The following SLFN12 variants were observed in gnomAD, a reference collection of about 807,000 sequenced individuals.
SLFN12 encodes schlafen family member 12, also known as ribonuclease SLFN12.
A neutral mutation model predicts 29.1 loss-of-function variants in SLFN12; 25 were observed. The ratio of observed to expected loss-of-function variants is 0.86; its 90% CI spans 0.63 to 1.20. SLFN12 has a LOEUF of 1.20. SLFN12 is among the 50% of genes most tolerant of loss of function. The probability of loss-of-function intolerance (pLI) is 0.00; values close to 1 mark genes in which losing one functional copy is unlikely to be tolerated. For synonymous variants in SLFN12, 257 were observed against 238.7 expected (o/e 1.08, Z -0.71); for missense variants, 660 against 666.2 (o/e 0.99, Z 0.10).
chr17:35,420,158 T>C, intron 3 of SLFN12, 116 bp downstream of exon 3: 1 of 669,904 alleles, frequency 1.5e-6, no homozygotes, highest in Non-Finnish European at 2.6e-6. Flanking sequence ...ACCAAAGAAT[T>C]CTCATAAACA....
chr17:35,418,316 G>A (rs1425811321), intron 3 of SLFN12, among the ~76,000 whole-genome samples: 1 of 152,046 alleles, frequency 6.6e-6, no homozygotes, highest in East Asian at 1.9e-4. Context: ...GGTTTGAATT[G>A]CATGGGTCCA....
At chr17:35,430,190 A>G (rs983266387) in intron 1 of SLFN12, among the ~76,000 whole-genome samples, 1 of 152,078 alleles carries the variant, frequency 6.6e-6, no homozygotes, top group African/African-American at 2.4e-5. Context: ...GTTGCTACAG[A>G]GACAGGAAAG....
Position 35,423,844 on chromosome 17 carries a change from C to T in SLFN12, c.-40-776G>A, listed in dbSNP as rs147135770. Among the ~76,000 whole-genome samples, 394 of 152,178 alleles carry T rather than the reference C, an allele frequency of 2.6e-3. 2 individuals are homozygous for T. Among genetic ancestry groups the T allele is most frequent in the Non-Finnish European group, 3.4e-3 (233 of 68,018 alleles). On this transcript the variant is annotated intron_variant, in intron 1 of 3. Coordinates refer to ENST00000304905, the MANE Select transcript of SLFN12 (RefSeq NM_018042.5). ...ATTAGTACTCTCCTAAAAGGGACCC[C>T]GGAACACTAGCTCATCCCTTCCACT...
At chr17:35,428,992 C>A (rs1412317988) in intron 1 of SLFN12, among the ~76,000 whole-genome samples, 3 of 152,010 alleles carry the variant, frequency 2.0e-5, no homozygotes, top group Non-Finnish European at 4.4e-5. Context: ...CCACTTCTAC[C>A]CAGGCGCACA....
chr17:35,419,807 A>G (rs1210768789), intron 3 of SLFN12, among the ~76,000 whole-genome samples: 3 of 152,168 alleles, frequency 2.0e-5, no homozygotes, highest in African/African-American at 7.2e-5. Flanking sequence ...CATATGCACT[A>G]GAAGACCGAC....
chr17:35,417,628 C>A (rs977732035), intron 3 of SLFN12, among the ~76,000 whole-genome samples: 3 of 151,690 alleles, frequency 2.0e-5, no homozygotes, highest in African/African-American at 4.8e-5. Context: ...AAGTTTTCTT[C>A]AGTTCATTAG....
chr17:35,417,182 AAT>A (rs2142034929), intron 3 of SLFN12, among the ~76,000 whole-genome samples: 1 of 152,230 alleles, frequency 6.6e-6, no homozygotes, highest in South Asian at 2.1e-4. Context: ...GCTGAATAAA[AAT>A]GCATAAAAAA....
Position 35,420,353 on chromosome 17 carries a change from G to A in SLFN12, c.1068C>T (p.Ile356=). 1.2e-6 allele frequency: 2 copies of A among 1,613,504 alleles called. No individual in the cohort carries two copies. The highest frequency in any genetic ancestry group is 1.7e-6 in the Non-Finnish European group (2 of 1,179,660). Residue 356 remains isoleucine, a synonymous_variant, in exon 3 of 4, where the codon ATC becomes ATT. Transcript: ENST00000304905. ...PKFSSSYEEV[I]SQINTSLPAP... is the part of the protein sequence containing the mutation. ...CAGGTAATGACGTATTTATTTGAGA[G>A]ATCACCTCTTCATATGAACTGGAAA...
chr17:35,420,366 T>C lies in SLFN12; in HGVS notation c.1055A>G (p.Tyr352Cys). The change falls in exon 3 of 4, where the codon TAT becomes TGT. Residue 352 changes from tyrosine (Y) to cysteine (C), a missense_variant. Physicochemically the swap from Tyr to Cys is radical, Grantham distance 194. Transcript: ENST00000304905. ...VEAEPKFSSS[Y>C]EEVISQINTS... Reference sequence around the variant, plus strand: ...ATTTATTTGAGAGATCACCTCTTCATATGAACTGGAAAATTCTTAAAAACA... The same window carrying C: ...ATTTATTTGAGAGATCACCTCTTCACATGAACTGGAAAATTCTTAAAAACA... 4 of 1,612,736 alleles carry C rather than the reference T, an allele frequency of 2.5e-6. No individual in the cohort carries two copies. The highest frequency in any genetic ancestry group is 3.4e-6 in the Non-Finnish European group (4 of 1,179,220).
chr17:35,422,296 T>C lies in SLFN12; in HGVS notation c.733A>G (p.Lys245Glu), dbSNP rs1159379739. ...TCTGCTTTAAAGCCAATTATTTCTT[T>C]ATCTTCATTTAAACCAATGAACAAA... ...GYLFIGLNED[K>E]EIIGFKAEMS... The change falls in exon 2 of 4, where the codon AAA (lysine) becomes GAA (glutamate). Residue 245 changes from lysine (K) to glutamate (E), a missense_variant. Transcript: ENST00000304905. The C allele has an allele frequency of 5.6e-6, 9 of 1,613,746 alleles. No homozygotes were observed. Among genetic ancestry groups the C allele is most frequent in the East Asian group, 2.2e-5 (1 of 44,898 alleles).
chr17:35,414,650 G>T (rs1374188561), intron 3 of SLFN12, among the ~76,000 whole-genome samples: 2 of 151,846 alleles, frequency 1.3e-5, no homozygotes, highest in Non-Finnish European at 2.9e-5. Context: ...TTCTAGATTT[G>T]ATAAATGAAT....
At chr17:35,423,204 T>A in intron 1 of SLFN12, 136 bp from the exon 2 acceptor site, 1 of 940,732 alleles carries the variant, frequency 1.1e-6, no homozygotes, top group Non-Finnish European at 1.4e-6. Context: ...ATGAAGAGAC[T>A]GGCAAATTTT....
chr17:35,424,306 T>G (rs1046598338), intron 1 of SLFN12, among the ~76,000 whole-genome samples: 2 of 152,086 alleles, frequency 1.3e-5, no homozygotes, highest in African/African-American at 2.4e-5. Context: ...TAAAGTGTAA[T>G]TTAAGTGTAA....
Position 35,422,209 on chromosome 17 carries a change from G to A in SLFN12, c.820C>T (p.His274Tyr). ...TTCTTCTTCTCCATACAGAAGTGATGCACAGGCATCTTCCTAATGGACTTT... is the reference window on the plus strand; with the variant it reads ...TTCTTCTTCTCCATACAGAAGTGATACACAGGCATCTTCCTAATGGACTTT... ...IEKSIRKMPV[H>Y]HFCMEKKKIN... Residue 274 changes from histidine (H) to tyrosine (Y), a missense_variant, in exon 2 of 4, where the codon CAT becomes TAT. Physicochemically the swap from His to Tyr is moderately conservative, Grantham distance 83 (BLOSUM62 2). Transcript: ENST00000304905. 1 of 1,614,116 alleles carries A rather than the reference G, an allele frequency of 6.2e-7. No homozygotes were observed. The highest frequency in any genetic ancestry group is 8.5e-7 in the Non-Finnish European group (1 of 1,180,004).
At chr17:35,419,800 A>G (rs1911520727) in intron 3 of SLFN12, among the ~76,000 whole-genome samples, 1 of 152,168 alleles carries the variant, frequency 6.6e-6, no homozygotes, top group Admixed American at 6.5e-5. Flanking sequence ...TCTTGCACAT[A>G]TGCACTAGAA....
At chr17:35,424,322 A>C (rs897351103) in intron 1 of SLFN12, among the ~76,000 whole-genome samples, 6 of 152,118 alleles carry the variant, frequency 3.9e-5, no homozygotes, top group Non-Finnish European at 5.9e-5. Context: ...TGTAACTTTT[A>C]AGTTAAGAAG....
rs536533054 is a variant in SLFN12 at position 35,420,671 on chromosome 17, G to A, written c.1040-290C>T. ...ATTTTTAAAGCAGTTAAAATGAGAC[G>A]TGATGGCTAGTGAAGGAAAGCTGAC... On this transcript the variant is annotated intron_variant, in intron 2 of 3. Coordinates refer to ENST00000304905, the MANE Select transcript of SLFN12 (RefSeq NM_018042.5). The A allele has an allele frequency of 3.8e-4, 86 of 224,130 alleles. No individual in the cohort carries two copies. In the South Asian group the frequency reaches 5.7e-3, roughly 15 times the overall value. The allele number at this position is 224,130 out of a possible 1,614,324, so 13.9% of individuals were successfully genotyped here.
At position 35,411,256 on chromosome 17, in the gene SLFN12, T is replaced by A. The variant is rs1324048993; in HGVS notation, c.*82A>T. ...ATTAAGTTGCTTAACTTGCAAAGTTTTCAAAGAAATATTTTCACAGAATTA... is the reference window on the plus strand; with the variant it reads ...ATTAAGTTGCTTAACTTGCAAAGTTATCAAAGAAATATTTTCACAGAATTA... On this transcript the variant is annotated 3_prime_UTR_variant, in exon 4 of 4. Transcript: ENST00000304905. 2.6e-6 allele frequency: 3 copies of A among 1,139,258 alleles called. No homozygotes were observed. The highest frequency in any genetic ancestry group is 3.7e-6 in the Non-Finnish European group (3 of 819,132). 70.6% of individuals were successfully genotyped at this position (1,139,258 alleles called of 1,614,324 possible).
chr17:35,414,743 C>G (rs1371946461), intron 3 of SLFN12, among the ~76,000 whole-genome samples: 1 of 151,984 alleles, frequency 6.6e-6, no homozygotes, highest in African/African-American at 2.4e-5. Context: ...AGAATCAAAT[C>G]AAAACCTCAA....
Sources: allele counts gnomAD v4.1 joint callset (sites outside exome capture counted in the v4.1 genomes callset), GRCh38; gene constraint gnomAD v4.1.1; transcripts MANE v1.5; gene names NCBI Gene and HGNC (gene_info 2026-07-23, HGNC 2026-07-21).